The following ZBTB45 variants were observed in gnomAD, a reference collection of about 807,000 sequenced individuals.
The protein encoded by ZBTB45 is zinc finger and BTB domain containing 45, also known as zinc finger and BTB domain-containing protein 45.
ZBTB45 carries 22 observed loss-of-function variants against 28.4 expected under a neutral mutation model. That is an observed-to-expected ratio of 0.77 (90% CI 0.55 to 1.10). The LOEUF (loss-of-function observed/expected upper bound fraction) is 1.10. Ranked by LOEUF, ZBTB45 falls within the 50% of genes least tolerant of loss-of-function variation. The pLI is 0.00. For missense variants in ZBTB45, 656 were observed against 750.2 expected, an observed-to-expected ratio of 0.87 and a Z score of 1.47; for synonymous variants, 361 against 332.3, an observed-to-expected ratio of 1.09 and a Z score of -0.94.
intron 1 of ZBTB45, among the ~76,000 whole-genome samples, chr19:58,528,192 G>A (rs1481726949): frequency 6.6e-6 from 1 of 151,972 alleles, no homozygotes; most frequent in Admixed American, 6.6e-5. Flanking sequence ...GAGGGAGAGA[G>A]GCCCTGGGTA....
chr19:58,514,214 A>T lies in ZBTB45; in HGVS notation c.1376T>A (p.Phe459Tyr). Residue 459 changes from phenylalanine to tyrosine, a missense_variant, in exon 3 of 3, where the codon TTC (phenylalanine) becomes TAC (tyrosine). By Grantham distance (22) the Phe-to-Tyr change is conservative. Around this residue, in one of 3 missense-constraint regions of ZBTB45, gnomAD observed 103 missense variants for 153.5 expected, o/e 0.67. Transcript: ENST00000594051. ...HMVTHTGVRA[F>Y]QCAVCAKRFT... Reference sequence around the variant, plus strand: ...GCGCTTGGCGCAGACGGCGCACTGGAAGGCGCGCACGCCGGTGTGCGTGAC... The same window carrying T: ...GCGCTTGGCGCAGACGGCGCACTGGTAGGCGCGCACGCCGGTGTGCGTGAC... 6.2e-7 allele frequency: 1 copy of T among 1,612,600 alleles called. No homozygotes were observed. The highest frequency in any genetic ancestry group is 1.1e-5 in the South Asian group (1 of 91,042).
intron 1 of ZBTB45, among the ~76,000 whole-genome samples, chr19:58,528,038 G>A (rs1163930061): frequency 1.3e-5 from 2 of 152,244 alleles, no homozygotes; most frequent in East Asian, 3.9e-4. Flanking sequence ...TTCTCCCTGG[G>A]GCCTGAAAGC....
chr19:58,521,491 T>G (rs1164147655), upstream of ZBTB45, among the ~76,000 whole-genome samples: 1 of 151,982 alleles, frequency 6.6e-6, no homozygotes, highest in African/African-American at 2.4e-5. Flanking sequence ...AGCCTCCAGA[T>G]AGCAGCTTAG....
chr19:58,538,069 C>T (rs1039944897), intron 1 of ZBTB45, among the ~76,000 whole-genome samples: 4 of 152,212 alleles, frequency 2.6e-5, no homozygotes, highest in African/African-American at 9.6e-5. Context: ...AACTCCCGAC[C>T]TCAGGTGATC....
intron 1 of ZBTB45, among the ~76,000 whole-genome samples, chr19:58,531,874 T>G (rs932855104): frequency 4.6e-5 from 7 of 152,180 alleles, no homozygotes; most frequent in African/African-American, 1.7e-4. Flanking sequence ...CCTCTTACTT[T>G]GTAATACAAC....
upstream of ZBTB45, among the ~76,000 whole-genome samples, chr19:58,524,231 G>A (rs1401709104): frequency 6.7e-6 from 1 of 149,898 alleles, no homozygotes; most frequent in African/African-American, 2.5e-5. Flanking sequence ...GCGTGGTGGT[G>A]GTGGGCCCCT....
At chr19:58,529,823 C>G (rs2053626783) in intron 1 of ZBTB45, among the ~76,000 whole-genome samples, 1 of 152,082 alleles carries the variant, frequency 6.6e-6, no homozygotes, top group Non-Finnish European at 1.5e-5. Context: ...AGTTTTGTAT[C>G]TGACTTCTTT....
intron 1 of ZBTB45, among the ~76,000 whole-genome samples, chr19:58,531,667 C>T (rs566535933): frequency 6.6e-6 from 1 of 152,264 alleles, no homozygotes; most frequent in South Asian, 2.1e-4. Flanking sequence ...GAGGGGCTGG[C>T]TTAAAATCAG....
At chr19:58,538,203 TTTC>T (rs1900943859) in intron 1 of ZBTB45, among the ~76,000 whole-genome samples, 1 of 151,488 alleles carries the variant, frequency 6.6e-6, no homozygotes, top group Admixed American at 6.6e-5. Context: ...ACTTTTTTTT[TTTC>T]TTTTCTTTTC....
chr19:58,535,347 A>G (rs2053654989), intron 1 of ZBTB45, among the ~76,000 whole-genome samples: 1 of 151,470 alleles, frequency 6.6e-6, no homozygotes, highest in African/African-American at 2.4e-5. Context: ...TTAATAATAG[A>G]CACGGGGCCA....
chr19:58,524,700 G>A (rs867134569), upstream of ZBTB45, among the ~76,000 whole-genome samples: 9 of 151,696 alleles, frequency 5.9e-5, no homozygotes, highest in African/African-American at 1.5e-4. Flanking sequence ...TGGCTAACAC[G>A]GTGAAACCCC....
At chr19:58,514,460 A>C in intron 2 of ZBTB45, 150 bp from the exon 3 acceptor site, 2 of 1,001,534 alleles carry the variant, frequency 2.0e-6, no homozygotes, top group Non-Finnish European at 2.8e-6. Flanking sequence ...CTATCAGAGA[A>C]CCCTCCCCTC....
Position 58,517,212 on chromosome 19 carries a change from G to A in ZBTB45, c.462C>T (p.Arg154=), listed in dbSNP as rs772878509. 4 of 1,602,676 alleles carry A rather than the reference G, an allele frequency of 2.5e-6. No individual in the cohort carries two copies. The highest frequency in any genetic ancestry group is 3.4e-6 in the Non-Finnish European group (4 of 1,175,558). ...CCGGGGGACGTGCAGCCAGCAGGTGGCGCAGGCGGTGACGCAGCTGCGCAG... is the reference window on the plus strand; with the variant it reads ...CCGGGGGACGTGCAGCCAGCAGGTGACGCAGGCGGTGACGCAGCTGCGCAG... ...LAPAQLRHRL[R]HLLAARPPGH... The change falls in exon 2 of 3, where the codon CGC becomes CGT. Residue 154 remains arginine (R), a synonymous_variant. Coordinates refer to ENST00000594051, the MANE Select transcript of ZBTB45 (RefSeq NM_001316979.2).
chr19:58,514,173 A>C lies in ZBTB45; in HGVS notation c.1417T>G (p.Ser473Ala). Residue 473 changes from serine (S) to alanine (A), a missense_variant, in exon 3 of 3, where the codon TCG becomes GCG. Physicochemically the swap from Ser to Ala is moderately conservative, Grantham distance 99 (BLOSUM62 1). Coordinates refer to ENST00000594051, the MANE Select transcript of ZBTB45 (RefSeq NM_001316979.2). ...TGAGTGCGCATGTGCACGTTGAGCG[A>C]GCTCTTCTGCGTGAAGCGCTTGGCG... ...VCAKRFTQKS[S>A]LNVHMRTHRP... The C allele has an allele frequency of 1.9e-6, 3 of 1,611,960 alleles. No individual in the cohort carries two copies. Among genetic ancestry groups the C allele is most frequent in the Non-Finnish European group, 2.5e-6 (3 of 1,179,468 alleles).
chr19:58,517,145 C>G lies in ZBTB45; in HGVS notation c.529G>C (p.Ala177Pro). The G allele has an allele frequency of 6.2e-7, 1 of 1,612,084 alleles. No individual in the cohort carries two copies. The highest frequency in any genetic ancestry group is 1.1e-5 in the South Asian group (1 of 91,016). Residue 177 changes from alanine (A) to proline (P), a missense_variant, in exon 2 of 3, where the codon GCG (alanine) becomes CCG (proline). Physicochemically the swap from Ala to Pro is conservative, Grantham distance 27. Transcript: ENST00000594051. Reference sequence around the variant, plus strand: ...GGGGGCGCTGGCAGCTGCAAACGCGCGGGCTGGCGCTGCTTACGGCTGTGT... The same window carrying G: ...GGGGGCGCTGGCAGCTGCAAACGCGGGGGCTGGCGCTGCTTACGGCTGTGT... ...AAHSRKQRQP[A>P]RLQLPAPPTP...
intron 1 of ZBTB45, among the ~76,000 whole-genome samples, chr19:58,533,187 G>C (rs1468256548): frequency 6.6e-6 from 1 of 152,190 alleles, no homozygotes; most frequent in Non-Finnish European, 1.5e-5. Flanking sequence ...GGCCAGGCTG[G>C]TCTTGAACTC....
At chr19:58,536,251 G>A (rs2053659523) in intron 1 of ZBTB45, among the ~76,000 whole-genome samples, 1 of 152,040 alleles carries the variant, frequency 6.6e-6, no homozygotes, top group Non-Finnish European at 1.5e-5. Flanking sequence ...GGATCATGAG[G>A]TCAGGAGATT....
At position 58,513,859 on chromosome 19, in the gene ZBTB45, G is replaced by C; in HGVS notation, c.*195C>G. On this transcript the variant is annotated 3_prime_UTR_variant, in exon 3 of 3. Transcript: ENST00000594051. ...CCCAGCCCCAGCCCGGCACCACCTG[G>C]AGGGTTCAAGTACATGGAGGAGAGG... 1.6e-6 allele frequency: 1 copy of C among 627,162 alleles called. No individual in the cohort carries two copies. The highest frequency in any genetic ancestry group is 2.4e-6 in the Non-Finnish European group (1 of 418,910). 38.8% of individuals were successfully genotyped at this position (627,162 alleles called of 1,614,324 possible).
At chr19:58,523,619 CA>C (rs369242683), upstream of ZBTB45, among the ~76,000 whole-genome samples, 150,948 of 150,968 alleles carry the variant, frequency 1, 75,464 homozygotes, top group Non-Finnish European at 1. Flanking sequence ...AGCCAGAGAT[CA>C]GCTGTCATTG....
Sources: gnomAD v4.1 joint callset for allele counts (sites outside exome capture counted in the v4.1 genomes callset) on GRCh38, gnomAD v4.1.1 for gene constraint, gnomAD v4.1.1 regional missense constraint, MANE v1.5 for transcripts, NCBI Gene and HGNC (gene_info 2026-07-23, HGNC 2026-07-21) for gene names.